CCNG1: variants seen among roughly 807,000 people sequenced by gnomAD.
CCNG1 encodes the protein cyclin-G1.
CCNG1 carries 13 observed loss-of-function variants against 30.0 expected under a neutral mutation model. The ratio of observed to expected loss-of-function variants is 0.43; its 90% CI spans 0.28 to 0.69. The LOEUF (loss-of-function observed/expected upper bound fraction) is 0.69, where lower values mean the gene tolerates loss of function less well. CCNG1 is among the 30% of genes least tolerant of loss of function. The pLI is 0.16. For missense variants in CCNG1, 285 were observed against 331.4 expected, an observed-to-expected ratio of 0.86 and a Z score of 1.09; for synonymous variants, 110 against 121.5, an observed-to-expected ratio of 0.91 and a Z score of 0.62.
chr5:163,441,156 G>A lies in CCNG1; in HGVS notation c.343G>A (p.Val115Ile). The change falls in exon 3 of 7, where the codon GTC becomes ATC. Residue 115 changes from valine (V) to isoleucine (I), a missense_variant. Val to Ile is a conservative substitution (Grantham distance 29). Transcript: ENST00000340828. Reference protein sequence around the residue: ...AVKSIEEERNVPLATDLIRIS... With the variant: ...AVKSIEEERNIPLATDLIRIS... ...AAAATCAATAGAAGAGGAAAGGAAT[G>A]TCCCATTGGCAACTGACTTGATCCG... is the stretch of plus-strand genomic sequence containing the variant. 1 of 1,613,960 alleles carries A rather than the reference G, an allele frequency of 6.2e-7. No individual in the cohort carries two copies. Among genetic ancestry groups the A allele is most frequent in the South Asian group, 1.1e-5 (1 of 91,076 alleles).
Position 163,439,497 on chromosome 5 carries a change from G to A in CCNG1, c.241G>A (p.Asp81Asn). ...ETFSLAVNLL[D>N]RFLSKMKVQP... ...ATTTTCTCTAGCTGTGAATTTACTG[G>A]ACAGATTCCTGTCTAAAATGAAGGT... Residue 81 changes from aspartate to asparagine, a missense_variant, in exon 2 of 7, where the codon GAC becomes AAC. Coordinates refer to ENST00000340828, the MANE Select transcript of CCNG1 (RefSeq NM_004060.4). 6.2e-7 allele frequency: 1 copy of A among 1,613,560 alleles called. No individual in the cohort carries two copies. The highest frequency in any genetic ancestry group is 8.5e-7 in the Non-Finnish European group (1 of 1,179,622).
chr5:163,443,311 C>CAAAA (rs35396845), intron 6 of CCNG1, among the ~76,000 whole-genome samples: 3 of 90,210 alleles, frequency 3.3e-5, no homozygotes, highest in Non-Finnish European at 4.8e-5. Context: ...GACTCCGCCA[C>CAAAA]AAAAAAAAAA....
chr5:163,439,171 C>A (rs1757668791), intron 1 of CCNG1, 86 bp from the exon 2 acceptor site: 7 of 1,183,916 alleles, frequency 5.9e-6, no homozygotes, highest in Non-Finnish European at 8.4e-6. Flanking sequence ...GCTTATAAAT[C>A]ATTTCTTGGC....
downstream of CCNG1, chr5:163,446,602 T>C (rs1030855918): frequency 2.6e-5 from 4 of 152,230 alleles, no homozygotes; most frequent in African/African-American, 7.2e-5. Context: ...CATAGAATAA[T>C]AACAACACTC....
chr5:163,443,323 A>G (rs1476376896), intron 6 of CCNG1, among the ~76,000 whole-genome samples: 3 of 151,946 alleles, frequency 2.0e-5, no homozygotes, highest in Non-Finnish European at 4.4e-5. Context: ...AAAAAAAAAA[A>G]AAAAAGAAAA....
At chr5:163,452,437 A>G in the CCNG1 span, 1 of 152,224 alleles carries the variant, frequency 6.6e-6, no homozygotes, top group Non-Finnish European at 1.5e-5. Flanking sequence ...CACAGAGGCC[A>G]CCCAGAATGG....
At chr5:163,439,124 A>G in intron 1 of CCNG1, 133 bp from the exon 2 acceptor site, 1 of 730,000 alleles carries the variant, frequency 1.4e-6, no homozygotes, top group Non-Finnish European at 2.3e-6. Flanking sequence ...GCACTTTGCA[A>G]TGACTTAGAT....
intron 2 of CCNG1, 79 bp from the exon 3 acceptor site, chr5:163,440,999 G>A: frequency 7.0e-7 from 1 of 1,420,796 alleles, no homozygotes; most frequent in Non-Finnish European, 9.6e-7. Flanking sequence ...TGTTGGGTCG[G>A]AGTTCTAGAT....
At chr5:163,439,719 G>T in intron 2 of CCNG1, 199 bp downstream of exon 2, 1 of 492,854 alleles carries the variant, frequency 2.0e-6, no homozygotes. Flanking sequence ...ATTCTGAAAT[G>T]AAAAATAGTC....
downstream of CCNG1, chr5:163,445,127 A>G (rs1269098577): frequency 6.6e-6 from 1 of 152,216 alleles, no homozygotes; most frequent in Non-Finnish European, 1.5e-5. Flanking sequence ...ATTTAGTACT[A>G]AAGTTAGATG....
At position 163,440,594 on chromosome 5, in the gene CCNG1, A is replaced by G. The variant is rs562211891; in HGVS notation, c.265-484A>G. On this transcript the variant is annotated intron_variant, in intron 2 of 6. Coordinates refer to ENST00000340828, the MANE Select transcript of CCNG1 (RefSeq NM_004060.4). ...AATGATAAAGATTAGTAGTGGATAG[A>G]ACTCTTAGAGGCAGAGTAAACAGTA... 2.0e-5 allele frequency among the ~76,000 whole-genome samples: 3 copies of G among 152,324 alleles called. No individual in the cohort carries two copies. The South Asian group carries it at 6.2e-4, about 32-fold the overall frequency.
At chr5:163,447,458 A>C (rs1397601193), downstream of CCNG1, 1 of 152,090 alleles carries the variant, frequency 6.6e-6, no homozygotes, top group Admixed American at 6.6e-5. Context: ...AAAAAAAAAA[A>C]AAACATGAAG....
downstream of CCNG1, chr5:163,445,968 G>A (rs1758028775): frequency 6.6e-6 from 1 of 152,128 alleles, no homozygotes; most frequent in African/African-American, 2.4e-5. Flanking sequence ...CAGCAGCGTG[G>A]TTGCTAATGC....
the CCNG1 span, chr5:163,457,138 T>TG: frequency 6.8e-7 from 1 of 1,465,888 alleles, no homozygotes; most frequent in African/African-American, 1.5e-5. Context: ...TTCATCAAGT[T>TG]GTTTTTTTTT....
At chr5:163,438,864 A>G (rs1053264285) in intron 1 of CCNG1, among the ~76,000 whole-genome samples, 1 of 152,166 alleles carries the variant, frequency 6.6e-6, no homozygotes, top group Admixed American at 6.5e-5. Flanking sequence ...CGTCTCTACT[A>G]AAAATATAAA....
the CCNG1 span, chr5:163,456,989 C>T: frequency 8.1e-6 from 13 of 1,612,640 alleles, no homozygotes; most frequent in East Asian, 2.2e-5. Flanking sequence ...CCCAAGGATC[C>T]GCTGCATATT....
In CCNG1 at chr5:163,439,325, G is replaced by A. The variant is rs373954399; in HGVS notation, c.69G>A (p.Gln23=). The change falls in exon 2 of 7, where the codon CAG becomes CAA. Residue 23 remains glutamine, a synonymous_variant. Transcript: ENST00000340828. The part of the protein sequence containing the change: ...LLHQLNALLE[Q]ESRCQPKVCG... Reference sequence around the variant, plus strand: ...ACCAGCTGAATGCCCTGTTGGAACAGGAGTCTAGATGTCAGCCAAAGGTCT... The same window carrying A: ...ACCAGCTGAATGCCCTGTTGGAACAAGAGTCTAGATGTCAGCCAAAGGTCT... 5.5e-5 allele frequency: 88 copies of A among 1,614,118 alleles called. No individual in the cohort carries two copies. In the African/African-American group the frequency reaches 9.3e-4, roughly 17 times the overall value.
chr5:163,451,507 C>T, the CCNG1 span: 2 of 151,904 alleles, frequency 1.3e-5, no homozygotes, highest in Non-Finnish European at 2.9e-5. Context: ...AACCATACAC[C>T]AAAAAAGTTA....
At chr5:163,457,563 C>T in the CCNG1 span, 1 of 1,556,898 alleles carries the variant, frequency 6.4e-7, no homozygotes, top group African/African-American at 1.4e-5. Flanking sequence ...TACCCTTACC[C>T]AAAGTCCATG....
Sources: gnomAD v4.1 joint callset for allele counts (sites outside exome capture counted in the v4.1 genomes callset) on GRCh38, gnomAD v4.1.1 for gene constraint, MANE v1.5 for transcripts, NCBI Gene and HGNC (gene_info 2026-07-23, HGNC 2026-07-21) for gene names.